Variants in ITIH6 observed in about 807,000 individuals in gnomAD.
ITIH6 encodes inter-alpha-trypsin inhibitor heavy chain H6.
In ITIH6, 60 loss-of-function variants were observed where a neutral mutation model predicts 58.2. The observed-to-expected ratio is 1.03, with a 90% CI of 0.84 to 1.28. The LOEUF is 1.28. Ranked by LOEUF, ITIH6 falls within the 50% of genes most tolerant of loss-of-function variation. The pLI, the probability that ITIH6 is intolerant of heterozygous loss-of-function variation, is 0.00. For synonymous variants in ITIH6, 493 were observed against 417.4 expected (o/e 1.18, Z -2.21); for missense variants, 1,290 against 1,021.1 (o/e 1.26, Z -3.59).
At chrX:54,792,098 C>A in intron 2 of ITIH6, 62 bp from the exon 3 acceptor site, 1 of 809,681 alleles carries the variant, frequency 1.2e-6, no homozygotes. Context: ...TGGTCAGAGA[C>A]AGAGAAAGAG....
intron 6 of ITIH6, among the ~76,000 whole-genome samples, chrX:54,761,980 C>T (rs1928656516): frequency 9.0e-6 from 1 of 111,658 alleles, no homozygotes; most frequent in Admixed American, 9.5e-5. Context: ...TGAAGAAAGT[C>T]CTTGGTAGCT....
At chrX:54,751,777 T>G (rs761172656) in intron 11 of ITIH6, among the ~76,000 whole-genome samples, 5 of 111,904 alleles carry the variant, frequency 4.5e-5, no homozygotes, top group Non-Finnish European at 9.4e-5. Context: ...GTTATATGTC[T>G]TGGTGCAATA....
At chrX:54,773,986 G>T in intron 6 of ITIH6, 95 bp downstream of exon 6, 1 of 480,997 alleles carries the variant, frequency 2.1e-6, no homozygotes, top group Non-Finnish European at 3.5e-6. Context: ...TGGGATGGTG[G>T]AATCTCTTCT....
intron 4 of ITIH6, 116 bp downstream of exon 4, chrX:54,790,721 A>G (rs1929328600): frequency 1.1e-6 from 1 of 937,069 alleles, no homozygotes; most frequent in Non-Finnish European, 1.5e-6. Flanking sequence ...ATCAGGAAGG[A>G]ACTTGGCAGT....
At position 54,791,021 on chromosome X, in the gene ITIH6, A is replaced by G; in HGVS notation, c.432T>C (p.Phe144=). 1 of 1,211,820 alleles carries G rather than the reference A, an allele frequency of 8.3e-7. No homozygotes were observed. Among genetic ancestry groups the G allele is most frequent in the Non-Finnish European group, 1.1e-6 (1 of 895,303 alleles). ...TSLAAGTEVT[F]SLAYEELLQR... ...GAAGCAGTTCCTCATAGGCCAGGGA[A>G]AAAGTCACCTCTGTGCCTGCTGCCA... The change falls in exon 4 of 13, where the codon TTT becomes TTC. Residue 144 remains phenylalanine (F), a synonymous_variant. Coordinates refer to ENST00000218436, the MANE Select transcript of ITIH6 (RefSeq NM_198510.3).
chrX:54,761,618 G>A (rs1400241054), intron 6 of ITIH6, among the ~76,000 whole-genome samples: 4 of 111,118 alleles, frequency 3.6e-5, no homozygotes, highest in Non-Finnish European at 5.7e-5. Context: ...TTTTGTATAA[G>A]GTGTAAGGAA....
At chrX:54,788,730 G>A in intron 4 of ITIH6, 81 bp from the exon 5 acceptor site, 1 of 793,453 alleles carries the variant, frequency 1.3e-6, no homozygotes. Flanking sequence ...CAGCACAAAG[G>A]GTGCTATCTG....
In ITIH6 at chrX:54,765,748, T is replaced by A. The variant is rs761280600; in HGVS notation, c.904-5821A>T. On this transcript the variant is annotated intron_variant, in intron 6 of 12. Coordinates refer to ENST00000218436, the MANE Select transcript of ITIH6 (RefSeq NM_198510.3). ...AGGGCTCTGTTCTGTTCCATTGATCTATATCTCTGTTTTGGTAACAGTACC... is the reference window on the plus strand; with the variant it reads ...AGGGCTCTGTTCTGTTCCATTGATCAATATCTCTGTTTTGGTAACAGTACC... Among the ~76,000 whole-genome samples, 383 of 110,641 alleles carry A rather than the reference T, an allele frequency of 3.5e-3. 1 individual carries two copies. The highest frequency in any genetic ancestry group is 6.3e-3 in the Non-Finnish European group (332 of 52,873).
chrX:54,754,089 TAGTCCC>T, intron 9 of ITIH6, 124 bp from the exon 10 acceptor site: 2 of 646,404 alleles, frequency 3.1e-6, no homozygotes, highest in Non-Finnish European at 4.8e-6. Flanking sequence ...TTCTGAAATC[TAGTCCC>T]TGCCTAGCTC....
At chrX:54,753,417 T>C (rs1928412051) in intron 11 of ITIH6, among the ~76,000 whole-genome samples, 1 of 112,093 alleles carries the variant, frequency 8.9e-6, no homozygotes, top group Admixed American at 9.5e-5. Flanking sequence ...TGAAGTTCCA[T>C]CATATTTGTG....
chrX:54,789,070 A>C lies in ITIH6; in HGVS notation c.617-421T>G, dbSNP rs758523535. On this transcript the variant is annotated intron_variant, in intron 4 of 12. Coordinates refer to ENST00000218436, the MANE Select transcript of ITIH6 (RefSeq NM_198510.3). ...CCAGGAGACAGACAGACAGACACACAGACAAGGTCTAGGTCTCCTCTCATT... is the reference window on the plus strand; with the variant it reads ...CCAGGAGACAGACAGACAGACACACCGACAAGGTCTAGGTCTCCTCTCATT... 3.5e-5 allele frequency among the ~76,000 whole-genome samples: 4 copies of C among 112,806 alleles called. No homozygotes were observed. The East Asian group carries it at 1.1e-3, about 32-fold the overall frequency.
In ITIH6 at chrX:54,792,017, A is replaced by G; in HGVS notation, c.277T>C (p.Tyr93His). ...NFTMTINNKV[Y>H]IAEVKEKHQA... Reference sequence around the variant, plus strand: ...TGCTTCTCTTTGACTTCTGCAATGTAGACTTTATTGTTGATGGTCCTAATG... The same window carrying G: ...TGCTTCTCTTTGACTTCTGCAATGTGGACTTTATTGTTGATGGTCCTAATG... The change falls in exon 3 of 13, where the codon TAC (tyrosine) becomes CAC (histidine). Residue 93 changes from tyrosine (Y) to histidine (H), a missense_variant. Transcript: ENST00000218436. 1 of 1,204,294 alleles carries G rather than the reference A, an allele frequency of 8.3e-7. No individual in the cohort carries two copies. Among genetic ancestry groups the G allele is most frequent in the Non-Finnish European group, 1.1e-6 (1 of 888,668 alleles).
rs1929331930 is a variant in ITIH6 at position 54,790,847 on chromosome X, A to G, written c.606T>C (p.Asn202=). Residue 202 remains asparagine (N), a synonymous_variant, in exon 4 of 13, where the codon AAT becomes AAC. Transcript: ENST00000218436. ...GTGCTGCCCACATACTTGCATGGGC[A>G]TTGGTGCGCAGACGGCCGGTCCTCA... ...PPLRTGRLRT[N]AHASEVDSPP... is the part of the protein sequence containing the mutation. 2 of 1,212,140 alleles carry G rather than the reference A, an allele frequency of 1.6e-6. No homozygotes were observed. The highest frequency in any genetic ancestry group is 3.5e-5 in the African/African-American group (2 of 57,930).
At chrX:54,755,854 A>T (rs911182353) in intron 8 of ITIH6, among the ~76,000 whole-genome samples, 6 of 110,990 alleles carry the variant, frequency 5.4e-5, no homozygotes, top group African/African-American at 2.0e-4. Context: ...TCTAAGTACG[A>T]TGGGAAACCC....
chrX:54,797,077 G>C lies in ITIH6; in HGVS notation c.122C>G (p.Ser41Cys). Residue 41 changes from serine to cysteine, a missense_variant, in exon 2 of 13, where the codon TCT becomes TGT. Ser to Cys is a moderately radical substitution (Grantham distance 112, BLOSUM62 -1). Coordinates refer to ENST00000218436, the MANE Select transcript of ITIH6 (RefSeq NM_198510.3). Reference protein sequence around the residue: ...SSTKLLMTSYSMRSTVVSRYA... With the variant: ...SSTKLLMTSYCMRSTVVSRYA... ...GCGAGACACCACCGTGGAGCGCATA[G>C]AATAGCTTGTCATTAACAACTGAGA... The C allele has an allele frequency of 8.3e-7, 1 of 1,209,994 alleles. No individual in the cohort carries two copies. Among genetic ancestry groups the C allele is most frequent in the Admixed American group, 2.2e-5 (1 of 45,922 alleles).
intron 6 of ITIH6, among the ~76,000 whole-genome samples, chrX:54,761,514 T>C (rs1353536178): frequency 9.0e-6 from 1 of 111,608 alleles, no homozygotes; most frequent in Non-Finnish European, 1.9e-5. Context: ...TCCTTGCCCA[T>C]GCCTACGTCC....
intron 5 of ITIH6, among the ~76,000 whole-genome samples, chrX:54,779,113 C>A (rs943969515): frequency 8.9e-6 from 1 of 112,397 alleles, no homozygotes. Flanking sequence ...ATTGCTAGAC[C>A]TGTCCTACAA....
intron 5 of ITIH6, among the ~76,000 whole-genome samples, chrX:54,782,011 T>A (rs1490438458): frequency 1.8e-5 from 2 of 111,369 alleles, no homozygotes; most frequent in Non-Finnish European, 1.9e-5. Context: ...TGTCCTCAAT[T>A]ATGAGTGGGA....
chrX:54,759,673 G>A (rs1413112628), intron 7 of ITIH6, 83 bp downstream of exon 7: 13 of 776,883 alleles, frequency 1.7e-5, no homozygotes, highest in Non-Finnish European at 2.4e-5. Flanking sequence ...GAGTTGAGGA[G>A]GATGGGGGAA....
Sources: allele counts gnomAD v4.1 joint callset (sites outside exome capture counted in the v4.1 genomes callset), GRCh38; gene constraint gnomAD v4.1.1; transcripts MANE v1.5; gene names NCBI Gene and HGNC (gene_info 2026-07-23, HGNC 2026-07-21).